CPXM2: variants seen among roughly 807,000 people sequenced by gnomAD.
The protein encoded by CPXM2 is inactive carboxypeptidase-like protein X2.
CPXM2 carries 66 observed loss-of-function variants against 86.1 expected under a neutral mutation model. That is an observed-to-expected ratio of 0.77 (90% CI 0.63 to 0.94). CPXM2 has a LOEUF of 0.94. Ranked by LOEUF, CPXM2 falls within the 40% of genes least tolerant of loss-of-function variation. CPXM2 has a pLI of 0.00. For missense variants in CPXM2, 948 were observed against 1,026.3 expected (o/e 0.92, Z 1.04); for synonymous variants, 388 against 400.2 (o/e 0.97, Z 0.36).
chr10:123,761,910 C>T lies in CPXM2; in HGVS notation c.1739G>A (p.Gly580Asp), dbSNP rs1846350380. The change falls in exon 11 of 14, where the codon GGC (glycine) becomes GAC (aspartate). Residue 580 changes from glycine to aspartate, a missense_variant. Transcript: ENST00000241305. ...CHTEDFQKEE[G>D]TVNGASWHTV... Reference sequence around the variant, plus strand: ...GTGCCAGGAGGCCCCATTGACAGTGCCCTCCTCCTTCTGGAAGTCCTCCGT... The same window carrying T: ...GTGCCAGGAGGCCCCATTGACAGTGTCCTCCTCCTTCTGGAAGTCCTCCGT... The T allele has an allele frequency of 6.2e-7, 1 of 1,613,806 alleles. No homozygotes were observed. Among genetic ancestry groups the T allele is most frequent in the Non-Finnish European group, 8.5e-7 (1 of 1,179,878 alleles).
At chr10:123,836,985 C>A (rs894003772) in intron 4 of CPXM2, among the ~76,000 whole-genome samples, 4 of 152,200 alleles carry the variant, frequency 2.6e-5, no homozygotes, top group Non-Finnish European at 5.9e-5. Flanking sequence ...CAGCCACCCC[C>A]CACTAACTTT....
intron 4 of CPXM2, among the ~76,000 whole-genome samples, chr10:123,821,719 G>C (rs1457565535): frequency 6.6e-6 from 1 of 152,194 alleles, no homozygotes; most frequent in Non-Finnish European, 1.5e-5. Flanking sequence ...TGCTACAACT[G>C]GGGACATCTA....
chr10:123,923,513 G>A lies in CPXM2; in HGVS notation n.174+15964C>T, dbSNP rs577855273. On this transcript the variant is annotated intron_variant and non_coding_transcript_variant, in intron 2 of 19. Coordinates refer to the CPXM2 transcript ENST00000368854. The stretch of plus-strand genomic sequence containing the variant: ...GGAGAATGGCGTGAACCCGGGAGGC[G>A]GAGCTTGCAGTGAGCCGAGATCGCG... Among the ~76,000 whole-genome samples, 105 of 151,242 alleles carry A rather than the reference G, an allele frequency of 6.9e-4. 1 individual carries two copies. Among genetic ancestry groups the A allele is most frequent in the Non-Finnish European group, 1.3e-3 (88 of 67,744 alleles).
intron 6 of CPXM2, among the ~76,000 whole-genome samples, chr10:123,785,402 A>G (rs560697969): frequency 1.6e-4 from 25 of 152,190 alleles, no homozygotes; most frequent in African/African-American, 5.1e-4. Flanking sequence ...TTGCTTCCCC[A>G]ACCTGTATCA....
intron 6 of CPXM2, among the ~76,000 whole-genome samples, chr10:123,781,525 T>C (rs995576936): frequency 3.3e-5 from 5 of 152,132 alleles, no homozygotes; most frequent in Non-Finnish European, 5.9e-5. Flanking sequence ...CTCCCTCCAA[T>C]GCAGAGAACC....
rs553059355 is a variant in CPXM2 at position 123,793,823 on chromosome 10, G to A, written c.889+4153C>T. Among the ~76,000 whole-genome samples the A allele has an allele frequency of 3.9e-5, 6 of 152,276 alleles. No homozygotes were observed. In the East Asian group the frequency reaches 9.6e-4, roughly 24 times the overall value. On this transcript the variant is annotated intron_variant, in intron 6 of 13. Transcript: ENST00000241305. ...AAGAGGGTATTCAGACTACAGGCCC[G>A]ACTTTGCAAGCAAAAATGGAAGGGA... is the stretch of plus-strand genomic sequence containing the variant.
At chr10:123,828,948 G>T (rs1848103328) in intron 4 of CPXM2, among the ~76,000 whole-genome samples, 1 of 152,148 alleles carries the variant, frequency 6.6e-6, no homozygotes, top group Admixed American at 6.5e-5. Context: ...TATTGACTGG[G>T]AGAAAATATT....
intron 4 of CPXM2, among the ~76,000 whole-genome samples, chr10:123,831,163 G>A (rs1266949029): frequency 2.6e-5 from 4 of 152,150 alleles, no homozygotes; most frequent in African/African-American, 9.7e-5. Context: ...TGCCACTTTG[G>A]GGGCCAAGTC....
At position 123,754,637 on chromosome 10, in the gene CPXM2, GAC is replaced by G. The variant is rs774554909; in HGVS notation, c.2017+24_2017+25del. 10 of 1,214,324 alleles carry G rather than the reference GAC, an allele frequency of 8.2e-6. No individual in the cohort carries two copies. The highest frequency in any genetic ancestry group is 1.9e-4 in the Middle Eastern group (1 of 5,332). The allele number at this position is 1,214,324 out of a possible 1,614,324, so 75.2% of individuals were successfully genotyped here. ...AAAAAATGGGTATTTCTTACCAAGAGACAGTCTGCACACATTTGCAGTTACCT... is the reference window on the plus strand; with the variant it reads ...AAAAAATGGGTATTTCTTACCAAGAGAGTCTGCACACATTTGCAGTTACCT... On this transcript the variant is annotated intron_variant, in intron 13 of 13. Coordinates refer to ENST00000241305, the MANE Select transcript of CPXM2 (RefSeq NM_198148.3). This position sits in a 1 kb window ranked among gnomAD's most constrained non-coding sequence, Gnocchi z 4.0.
At chr10:123,833,385 T>A (rs1250480763) in intron 4 of CPXM2, among the ~76,000 whole-genome samples, 1 of 152,226 alleles carries the variant, frequency 6.6e-6, no homozygotes, top group Non-Finnish European at 1.5e-5. Flanking sequence ...TTTCATAAAA[T>A]GTCAGATGCT....
At chr10:123,803,698 G>C (rs960062289) in intron 4 of CPXM2, among the ~76,000 whole-genome samples, 4 of 151,986 alleles carry the variant, frequency 2.6e-5, no homozygotes, top group Admixed American at 6.5e-5. Flanking sequence ...GTCTCTCTCT[G>C]TCACTCAGGC....
chr10:123,935,084 C>T (rs967918272), intron 2 of CPXM2, among the ~76,000 whole-genome samples: 2 of 152,130 alleles, frequency 1.3e-5, no homozygotes, highest in African/African-American at 4.8e-5. Flanking sequence ...GTCTTGGTCT[C>T]CTCTGCAGAG....
intron 11 of CPXM2, among the ~76,000 whole-genome samples, chr10:123,760,139 A>G (rs927818975): frequency 1.3e-5 from 2 of 152,078 alleles, no homozygotes; most frequent in African/African-American, 2.4e-5. Context: ...TAATGGATAG[A>G]AAAAAAATCA....
chr10:123,847,476 A>C (rs898578384), intron 3 of CPXM2, among the ~76,000 whole-genome samples: 7 of 152,060 alleles, frequency 4.6e-5, no homozygotes, highest in Non-Finnish European at 8.8e-5. Flanking sequence ...CAGTGAGCCG[A>C]GATGGCACCA....
chr10:123,890,907 G>A (rs558329098), intron 1 of CPXM2, among the ~76,000 whole-genome samples: 148 of 152,312 alleles, frequency 9.7e-4, no homozygotes, highest in Middle Eastern at 3.4e-3. Flanking sequence ...ACTGGGTAAA[G>A]GCCTACTGGC....
At position 123,829,360 on chromosome 10, in the gene CPXM2, C is replaced by A. The variant is rs140389575; in HGVS notation, c.653+12989G>T. 2.6e-3 allele frequency among the ~76,000 whole-genome samples: 378 copies of A among 147,900 alleles called. 1 individual carries two copies. The highest frequency in any genetic ancestry group is 6.9e-3 in the Middle Eastern group (2 of 288). On this transcript the variant is annotated intron_variant, in intron 4 of 13. Transcript: ENST00000241305. ...CAATGAACAGACAAATGTGTATAAC[C>A]AACGTGGAAAAAAAATTTTTTTTTT...
At chr10:123,750,876 T>A (rs1846057916) in intron 13 of CPXM2, 1 of 985,442 alleles carries the variant, frequency 1.0e-6, no homozygotes, top group Non-Finnish European at 1.2e-6. Flanking sequence ...TTTCCCCATG[T>A]CTTCCTTGAG....
At chr10:123,917,526 C>G (rs913837779) in intron 2 of CPXM2, among the ~76,000 whole-genome samples, 7 of 152,350 alleles carry the variant, frequency 4.6e-5, no homozygotes, top group Non-Finnish European at 7.3e-5. Context: ...ATTTTGTACA[C>G]ATAATAATAG....
At chr10:123,809,239 C>T (rs1472259058) in intron 4 of CPXM2, among the ~76,000 whole-genome samples, 1 of 152,116 alleles carries the variant, frequency 6.6e-6, no homozygotes, top group African/African-American at 2.4e-5. Flanking sequence ...GCAATTCAGA[C>T]ATATGAAAGA....
Sources: allele counts gnomAD v4.1 joint callset (sites outside exome capture counted in the v4.1 genomes callset), GRCh38; gene constraint gnomAD v4.1.1; non-coding constraint Gnocchi (gnomAD v3.1); transcripts MANE v1.5; gene names NCBI Gene and HGNC (gene_info 2026-07-23, HGNC 2026-07-21).